APOBEC4: variants seen among roughly 807,000 people sequenced by gnomAD.
APOBEC4 encodes the protein apolipoprotein B mRNA editing enzyme catalytic polypeptide like 4, also known as putative deaminase APOBEC-4.
For missense variants in APOBEC4, 375 were observed against 441.2 expected, an observed-to-expected ratio of 0.85 and a Z score of 1.34; for synonymous variants, 141 against 154.2, an observed-to-expected ratio of 0.91 and a Z score of 0.63.
chr1:183,648,543 T>G lies in APOBEC4; in HGVS notation c.239A>C (p.Gln80Pro), dbSNP rs1377235123. 3 of 1,614,116 alleles carry G rather than the reference T, an allele frequency of 1.9e-6. No homozygotes were observed. Among genetic ancestry groups the G allele is most frequent in the African/African-American group, 1.3e-5 (1 of 74,936 alleles). ...ELKTSSGSLVQKGHASSCTGN... is the reference protein window; with the variant it reads ...ELKTSSGSLVPKGHASSCTGN... ...AGTGCAACTGCTAGCATGGCCCTTT[T>G]GCACCAGGCTACCAGAAGAAGTTTT... Residue 80 changes from glutamine (Q) to proline (P), a missense_variant, in exon 2 of 2, where the codon CAA (glutamine) becomes CCA (proline). Coordinates refer to ENST00000308641, the MANE Select transcript of APOBEC4 (RefSeq NM_203454.3).
Position 183,647,921 on chromosome 1 carries a change from GA to G in APOBEC4, c.860del (p.Leu287ProfsTer9). Reference protein sequence around the residue: ...GQLQPNLPPDLRAPVVFVLVP... With the variant: ...GQLQPNLPPDXRAPVVFVLVP... ...CTAGCACAAAAACAACAGGAGCCCT[GA>G]GGTCTGGAGGTAGGTTGGGTTGGAG... On this transcript the variant is annotated frameshift_variant, in exon 2 of 2. Coordinates refer to ENST00000308641, the MANE Select transcript of APOBEC4 (RefSeq NM_203454.3). LOFTEE classifies it low-confidence loss of function (END_TRUNC). 6.2e-7 allele frequency: 1 copy of G among 1,614,208 alleles called. No individual in the cohort carries two copies. Among genetic ancestry groups the G allele is most frequent in the Non-Finnish European group, 8.5e-7 (1 of 1,180,040 alleles).
rs561902085 is a variant in APOBEC4, at chr1:183,648,511, A to G, written c.271T>C (p.Tyr91His). 1.9e-6 allele frequency: 3 copies of G among 1,614,094 alleles called. No individual in the cohort carries two copies. Among genetic ancestry groups the G allele is most frequent in the Non-Finnish European group, 2.5e-6 (3 of 1,180,044 alleles). Residue 91 changes from tyrosine to histidine, a missense_variant, in exon 2 of 2, where the codon TAT becomes CAT. Coordinates refer to ENST00000308641, the MANE Select transcript of APOBEC4 (RefSeq NM_203454.3). ...KGHASSCTGN[Y>H]IHPESMLFEM... ...AAGAGCATTGATTCTGGATGGATAT[A>G]ATTCCCAGTGCAACTGCTAGCATGG... is the stretch of plus-strand genomic sequence containing the variant.
chr1:183,647,822 TA>T lies in APOBEC4; in HGVS notation c.959del (p.Leu320Ter), dbSNP rs1558131773. The T allele has an allele frequency of 6.2e-6, 10 of 1,614,122 alleles. No individual in the cohort carries two copies. The highest frequency in any genetic ancestry group is 8.5e-6 in the Non-Finnish European group (10 of 1,180,056). ...PNKPRNIVRH[L>X]NMPQMSFQET... ...CCTGGAATGACATTTGAGGCATATT[TA>T]AGTGCCTTACGATATTCCTGGGTTT... is the stretch of plus-strand genomic sequence containing the variant. On this transcript the variant is annotated frameshift_variant, in exon 2 of 2. Transcript: ENST00000308641. LOFTEE classifies it low-confidence loss of function (END_TRUNC).
rs1332797705 is a variant in APOBEC4 at position 183,648,582 on chromosome 1, G to T, written c.200C>A (p.Thr67Lys). Reference sequence around the variant, plus strand: ...AGAAGAAGTTTTTAGTTCATAAAATGTGAGGTGTTTTGTTTGAGGAAATGT... The same window carrying T: ...AGAAGAAGTTTTTAGTTCATAAAATTTGAGGTGTTTTGTTTGAGGAAATGT... The part of the protein sequence containing the change: ...GTTFPQTKHL[T>K]FYELKTSSGS... Residue 67 changes from threonine (T) to lysine (K), a missense_variant, in exon 2 of 2, where the codon ACA becomes AAA. Coordinates refer to ENST00000308641, the MANE Select transcript of APOBEC4 (RefSeq NM_203454.3). The T allele has an allele frequency of 6.2e-7, 1 of 1,614,070 alleles. No homozygotes were observed. The highest frequency in any genetic ancestry group is 8.5e-7 in the Non-Finnish European group (1 of 1,180,032).
At chr1:183,650,044 C>A (rs1439636845) in intron 1 of APOBEC4, among the ~76,000 whole-genome samples, 2 of 152,120 alleles carry the variant, frequency 1.3e-5, no homozygotes, top group African/African-American at 4.8e-5. Context: ...AACTCCTGGG[C>A]TCAAGTGATC....
intron 1 of APOBEC4, among the ~76,000 whole-genome samples, chr1:183,651,600 T>C (rs1002607715): frequency 6.6e-6 from 1 of 152,248 alleles, no homozygotes; most frequent in African/African-American, 2.4e-5. Flanking sequence ...TAGTGGCTAA[T>C]ATCCTGCAGT....
chr1:183,649,585 G>A (rs1261743522), intron 1 of APOBEC4, among the ~76,000 whole-genome samples: 2 of 152,132 alleles, frequency 1.3e-5, no homozygotes, highest in African/African-American at 4.8e-5. Context: ...TCTTTGGATT[G>A]TGGACACTCA....
In APOBEC4 at chr1:183,647,230, T is replaced by C. The variant is rs60195243; in HGVS notation, c.*448A>G. 761 of 154,142 alleles carry C rather than the reference T, an allele frequency of 4.9e-3. 3 individuals carry two copies. The highest frequency in any genetic ancestry group is 0.012 in the African/African-American group (480 of 41,614). The allele number at this position is 154,142 out of a possible 1,614,324, so 9.5% of individuals were successfully genotyped here. On this transcript the variant is annotated 3_prime_UTR_variant, in exon 2 of 2. Coordinates refer to ENST00000308641, the MANE Select transcript of APOBEC4 (RefSeq NM_203454.3). ...TCTTCTGTCCATGATTAACAATTAATAGAAAATCACTGGTTTGCTCCTGCA... is the reference window on the plus strand; with the variant it reads ...TCTTCTGTCCATGATTAACAATTAACAGAAAATCACTGGTTTGCTCCTGCA...
At position 183,647,877 on chromosome 1, in the gene APOBEC4, G is replaced by A. The variant is rs747611884; in HGVS notation, c.905C>T (p.Pro302Leu). 1 of 1,614,144 alleles carries A rather than the reference G, an allele frequency of 6.2e-7. No individual in the cohort carries two copies. Among genetic ancestry groups the A allele is most frequent in the Non-Finnish European group, 8.5e-7 (1 of 1,180,030 alleles). The change falls in exon 2 of 2, where the codon CCA (proline) becomes CTA (leucine). Residue 302 changes from proline to leucine, a missense_variant. Physicochemically the swap from Pro to Leu is moderately conservative, Grantham distance 98. Coordinates refer to ENST00000308641, the MANE Select transcript of APOBEC4 (RefSeq NM_203454.3). ...VFVLVPLRDL[P>L]PMHMGQNPNK... ...TGGGTTTTGGCCCATATGCATTGGTGGTAAGTCCCTGAGAGGCACTAGCAC... is the reference window on the plus strand; with the variant it reads ...TGGGTTTTGGCCCATATGCATTGGTAGTAAGTCCCTGAGAGGCACTAGCAC...
At chr1:183,650,604 C>A (rs1650672712) in intron 1 of APOBEC4, among the ~76,000 whole-genome samples, 1 of 151,944 alleles carries the variant, frequency 6.6e-6, no homozygotes, top group Admixed American at 6.6e-5. Context: ...GTAACTGTAA[C>A]ATTCAGTTTC....
Position 183,653,103 on chromosome 1 carries a change from C to T in APOBEC4, c.-62G>A, listed in dbSNP as rs1423287488. On this transcript the variant is annotated 5_prime_UTR_variant, in exon 1 of 2. Transcript: ENST00000308641. ...TTTGTCTCCAGGCTTGGATCACATTCCAGGTGTTAGAAGAGATGGTCCATT... is the reference window on the plus strand; with the variant it reads ...TTTGTCTCCAGGCTTGGATCACATTTCAGGTGTTAGAAGAGATGGTCCATT... The T allele has an allele frequency of 1.3e-5, 2 of 152,232 alleles. No homozygotes were observed. The highest frequency in any genetic ancestry group is 4.8e-5 in the African/African-American group (2 of 41,456). 9.4% of individuals were successfully genotyped at this position (152,232 alleles called of 1,614,324 possible). A position where few individuals can be genotyped will look rare whatever the true frequency, so the allele number is the denominator to read the frequency against.
rs12044718 is a variant in APOBEC4, at chr1:183,647,268, T to C, written c.*410A>G. The C allele has an allele frequency of 0.08, 12,527 of 156,518 alleles. 1,002 individuals are homozygous for C. Among genetic ancestry groups the C allele is most frequent in the African/African-American group, 0.21 (8,681 of 41,590 alleles). 9.7% of individuals were successfully genotyped at this position (156,518 alleles called of 1,614,324 possible). Reference sequence around the variant, plus strand: ...GTTTGCTCCTGCAAACAGCACTTAATGTCAGTAGCTTCAGGCTGTTTTTCA... The same window carrying C: ...GTTTGCTCCTGCAAACAGCACTTAACGTCAGTAGCTTCAGGCTGTTTTTCA... On this transcript the variant is annotated 3_prime_UTR_variant, in exon 2 of 2. Coordinates refer to ENST00000308641, the MANE Select transcript of APOBEC4 (RefSeq NM_203454.3).
At position 183,646,669 on chromosome 1, in the gene APOBEC4, A is replaced by G. The variant is rs1650314847; in HGVS notation, c.*1009T>C. On this transcript the variant is annotated 3_prime_UTR_variant, in exon 2 of 2. Coordinates refer to ENST00000308641, the MANE Select transcript of APOBEC4 (RefSeq NM_203454.3). The stretch of plus-strand genomic sequence containing the variant: ...GATGGAGTCAGAAAGAGGGAAGTAA[A>G]ACACACATTATGCATTGGGAGCTGC... 6.6e-6 allele frequency: 1 copy of G among 152,236 alleles called. No individual in the cohort carries two copies. Among genetic ancestry groups the G allele is most frequent in the African/African-American group, 2.4e-5 (1 of 41,446 alleles). The allele number at this position is 152,236 out of a possible 1,614,324, so 9.4% of individuals were successfully genotyped here. A position where few individuals can be genotyped will look rare whatever the true frequency, so the allele number is the denominator to read the frequency against.
At chr1:183,649,661 C>G (rs1385572388) in intron 1 of APOBEC4, among the ~76,000 whole-genome samples, 2 of 152,152 alleles carry the variant, frequency 1.3e-5, no homozygotes, top group African/African-American at 4.8e-5. Flanking sequence ...TGAAAAATTA[C>G]TGTTACAGAA....
Position 183,647,582 on chromosome 1 carries a change from A to C in APOBEC4, c.*96T>G, listed in dbSNP as rs1279594797. 6.8e-7 allele frequency: 1 copy of C among 1,481,294 alleles called. No homozygotes were observed. Among genetic ancestry groups the C allele is most frequent in the Non-Finnish European group, 8.9e-7 (1 of 1,120,462 alleles). The allele number at this position is 1,481,294 out of a possible 1,614,324, so 91.8% of individuals were successfully genotyped here. On this transcript the variant is annotated 3_prime_UTR_variant, in exon 2 of 2. Transcript: ENST00000308641. Reference sequence around the variant, plus strand: ...GCTTTTAGTGCATCAGTTTATCTCCATCTTGGCTCAGCCCTGAGAGAGAAA... The same window carrying C: ...GCTTTTAGTGCATCAGTTTATCTCCCTCTTGGCTCAGCCCTGAGAGAGAAA...
Position 183,648,289 on chromosome 1 carries a change from G to A in APOBEC4, c.493C>T (p.Pro165Ser), listed in dbSNP as rs149737719. ...SQLYHTEMDF[P>S]ASAWNREALR... ...GCTTCGCGGTTCCATGCTGAGGCAGGAAAGTCCATCTCAGTATGATAGAGC... is the reference window on the plus strand; with the variant it reads ...GCTTCGCGGTTCCATGCTGAGGCAGAAAAGTCCATCTCAGTATGATAGAGC... Residue 165 changes from proline to serine, a missense_variant, in exon 2 of 2, where the codon CCT becomes TCT. Physicochemically the swap from Pro to Ser is moderately conservative, Grantham distance 74 (BLOSUM62 -1). Transcript: ENST00000308641. 4.6e-5 allele frequency: 74 copies of A among 1,614,196 alleles called. No individual in the cohort carries two copies. In the African/African-American group the frequency reaches 8.7e-4, roughly 19 times the overall value.
Position 183,648,600 on chromosome 1 carries a change from G to A in APOBEC4, c.182C>T (p.Pro61Leu), listed in dbSNP as rs759685764. 1.2e-6 allele frequency: 2 copies of A among 1,614,182 alleles called. No homozygotes were observed. The highest frequency in any genetic ancestry group is 1.7e-6 in the Non-Finnish European group (2 of 1,180,026). The change falls in exon 2 of 2, where the codon CCT becomes CTT. Residue 61 changes from proline to leucine, a missense_variant. Transcript: ENST00000308641. The stretch of plus-strand genomic sequence containing the variant: ...ATAAAATGTGAGGTGTTTTGTTTGA[G>A]GAAATGTTGTCCCATAAGGGAATCC... ...IFGFPYGTTF[P>L]QTKHLTFYEL...
chr1:183,647,386 A>C lies in APOBEC4; in HGVS notation c.*292T>G. On this transcript the variant is annotated 3_prime_UTR_variant, in exon 2 of 2. Coordinates refer to ENST00000308641, the MANE Select transcript of APOBEC4 (RefSeq NM_203454.3). ...AAAGATGATGTGAGTAAAATAGAATAATGAGATTCCTTTTCTGCATCAAAA... is the reference window on the plus strand; with the variant it reads ...AAAGATGATGTGAGTAAAATAGAATCATGAGATTCCTTTTCTGCATCAAAA... 1 of 233,834 alleles carries C rather than the reference A, an allele frequency of 4.3e-6. No homozygotes were observed. The highest frequency in any genetic ancestry group is 9.0e-5 in the East Asian group (1 of 11,098). The allele number at this position is 233,834 out of a possible 1,614,324, so 14.5% of individuals were successfully genotyped here.
chr1:183,652,991 A>G (rs1650876492), intron 1 of APOBEC4, 81 bp downstream of exon 1: 1 of 152,262 alleles, frequency 6.6e-6, no homozygotes, highest in East Asian at 1.9e-4. Flanking sequence ...GCACTGGAGT[A>G]ATTGGAGAAT....
Sources: allele counts gnomAD v4.1 joint callset (sites outside exome capture counted in the v4.1 genomes callset), GRCh38; gene constraint gnomAD v4.1.1; transcripts MANE v1.5; gene names NCBI Gene and HGNC (gene_info 2026-07-23, HGNC 2026-07-21).